CFAP47: variants seen among roughly 807,000 people sequenced by gnomAD.
CFAP47 encodes the protein cilia- and flagella-associated protein 47.
A neutral mutation model predicts 148.1 loss-of-function variants in CFAP47; 29 were observed. The observed-to-expected ratio is 0.20, with a 90% confidence interval of 0.15 to 0.27. CFAP47 has a LOEUF of 0.27. Among genes scored for constraint, CFAP47 ranks in the 10% least tolerant of loss-of-function variants. CFAP47 has a pLI of 1.00. For missense variants in CFAP47, 1,872 were observed against 1,697.5 expected (o/e 1.10, Z -1.81); for synonymous variants, 664 against 577.3 (o/e 1.15, Z -2.15).
chrX:36,005,327 A>G lies in CFAP47; in HGVS notation c.3417+3620A>G, dbSNP rs187098050. Among the ~76,000 whole-genome samples, 276 of 111,572 alleles carry G rather than the reference A, an allele frequency of 2.5e-3. 1 individual carries two copies. The highest frequency in any genetic ancestry group is 8.0e-3 in the African/African-American group (248 of 30,814). On this transcript the variant is annotated intron_variant, in intron 21 of 63. Coordinates refer to ENST00000378653, the MANE Select transcript of CFAP47 (RefSeq NM_001304548.2). The stretch of plus-strand genomic sequence containing the variant: ...TTAAATATAGGTTTTATGGCTACAT[A>G]CTTTCCTCTAAATACTGTTTTACAT...
At chrX:36,237,041 T>C (rs1291828641) in intron 48 of CFAP47, among the ~76,000 whole-genome samples, 182 bp downstream of exon 48, 1 of 112,234 alleles carries the variant, frequency 8.9e-6, no homozygotes, top group East Asian at 2.8e-4. Context: ...TCATTTCAAT[T>C]ATAAAGTTGA....
At chrX:36,007,062 G>T (rs935690405) in intron 21 of CFAP47, among the ~76,000 whole-genome samples, 2 of 111,557 alleles carry the variant, frequency 1.8e-5, no homozygotes, top group Non-Finnish European at 3.8e-5. Context: ...CCCAGGTTCT[G>T]CCCTGAAGCA....
intron 22 of CFAP47, among the ~76,000 whole-genome samples, chrX:36,025,343 G>C (rs759978321): frequency 9.0e-6 from 1 of 111,136 alleles, no homozygotes; most frequent in African/African-American, 3.3e-5. Context: ...TAAAGAAATT[G>C]GCTATCTTGA....
At chrX:36,039,868 G>A (rs1937382413) in intron 25 of CFAP47, among the ~76,000 whole-genome samples, 2 of 111,785 alleles carry the variant, frequency 1.8e-5, no homozygotes, top group South Asian at 7.5e-4. Flanking sequence ...GATCTCAACT[G>A]ATTATGTCAG....
chrX:36,217,338 T>G (rs782591648), intron 45 of CFAP47, among the ~76,000 whole-genome samples: 1 of 111,559 alleles, frequency 9.0e-6, no homozygotes, highest in South Asian at 3.8e-4. Context: ...CCATCATTGT[T>G]CTGGATAGCC....
intron 47 of CFAP47, among the ~76,000 whole-genome samples, 155 bp from the exon 48 acceptor site, chrX:36,236,531 G>T (rs782181712): frequency 5.4e-5 from 6 of 112,129 alleles, no homozygotes; most frequent in Non-Finnish European, 1.1e-4. Context: ...TATGTGTTTT[G>T]TAGAAGCAGT....
chrX:36,333,892 T>C lies in CFAP47; in HGVS notation c.8444-14237T>C, dbSNP rs1198567054. Reference sequence around the variant, plus strand: ...GGTACAATAAATCTGTTGCATATAGTCTCATCTTCCTTGCTTCCTCAGTAT... The same window carrying C: ...GGTACAATAAATCTGTTGCATATAGCCTCATCTTCCTTGCTTCCTCAGTAT... On this transcript the variant is annotated intron_variant, in intron 57 of 63. Coordinates refer to ENST00000378653, the MANE Select transcript of CFAP47 (RefSeq NM_001304548.2). Among the ~76,000 whole-genome samples the C allele has an allele frequency of 4.5e-5, 5 of 111,648 alleles. No individual in the cohort carries two copies. The Admixed American group carries it at 4.8e-4, about 11-fold the overall frequency.
In CFAP47 at chrX:36,246,154, A is replaced by G. The variant is rs1940612377; in HGVS notation, c.7333-5179A>G. 3.6e-5 allele frequency among the ~76,000 whole-genome samples: 4 copies of G among 111,951 alleles called. 1 individual carries two copies. Among genetic ancestry groups the G allele is most frequent in the Admixed American group, 1.9e-4 (2 of 10,522 alleles). ...TCCTACAGAATGGTAGAAAATATTC[A>G]CAATCTGTTCATCCAACAAAGGTCT... On this transcript the variant is annotated intron_variant, in intron 48 of 63. Coordinates refer to ENST00000378653, the MANE Select transcript of CFAP47 (RefSeq NM_001304548.2).
intron 1 of CFAP47, among the ~76,000 whole-genome samples, chrX:35,920,810 G>C (rs948121504): frequency 9.0e-6 from 1 of 111,627 alleles, no homozygotes; most frequent in African/African-American, 3.3e-5. Context: ...AAAACTTCAA[G>C]AGATATTCCT....
intron 48 of CFAP47, among the ~76,000 whole-genome samples, chrX:36,238,512 G>C (rs782745268): frequency 5.4e-5 from 6 of 111,839 alleles, no homozygotes; most frequent in Non-Finnish European, 1.1e-4. Flanking sequence ...TCCTTAGGTT[G>C]CCTTACATTT....
Position 36,319,226 on chromosome X carries a change from A to T in CFAP47, c.8362A>T (p.Asn2788Tyr). 9.0e-6 allele frequency: 10 copies of T among 1,108,385 alleles called. No individual in the cohort carries two copies. Among genetic ancestry groups the T allele is most frequent in the Non-Finnish European group, 1.2e-5 (10 of 831,512 alleles). 91.3% of individuals were successfully genotyped at this position (1,108,385 alleles called of 1,213,427 possible). ...IILTSVEHPR[N>Y]LVMDHCWDSF... ...TTAATTAGGTGTGGAACATCCCAGG[A>T]ATCTTGTCATGGATCATTGCTGGGA... Residue 2788 changes from asparagine (N) to tyrosine (Y), a missense_variant, in exon 57 of 64, where the codon AAT (asparagine) becomes TAT (tyrosine). Transcript: ENST00000378653.
intron 46 of CFAP47, among the ~76,000 whole-genome samples, chrX:36,234,249 C>T (rs1260575519): frequency 9.0e-6 from 1 of 110,772 alleles, no homozygotes; most frequent in Non-Finnish European, 1.9e-5. Context: ...CTTTCAGGTA[C>T]ACCAATCAGA....
At chrX:36,308,009 C>T (rs1278325632) in intron 55 of CFAP47, among the ~76,000 whole-genome samples, 1 of 111,159 alleles carries the variant, frequency 9.0e-6, no homozygotes, top group Non-Finnish European at 1.9e-5. Context: ...TTCTTTTAAG[C>T]GATTGCTGCA....
At position 36,299,022 on chromosome X, in the gene CFAP47, G is replaced by A; in HGVS notation, c.7732G>A (p.Gly2578Ser). Residue 2578 changes from glycine (G) to serine (S), a missense_variant, in exon 52 of 64, where the codon GGT (glycine) becomes AGT (serine). Physicochemically the swap from Gly to Ser is moderately conservative, Grantham distance 56. Coordinates refer to ENST00000378653, the MANE Select transcript of CFAP47 (RefSeq NM_001304548.2). ...ACCTCTCTCTAATCCAAAAGATAGA[G>A]GTCTTCACTTAGAGGTGCAGTTAAC... Reference protein sequence around the residue: ...EIPLSNPKDRGLHLEVQLTSA... With the variant: ...EIPLSNPKDRSLHLEVQLTSA... 1 of 1,154,880 alleles carries A rather than the reference G, an allele frequency of 8.7e-7. No individual in the cohort carries two copies. Among genetic ancestry groups the A allele is most frequent in the East Asian group, 3.3e-5 (1 of 30,633 alleles).
Position 36,174,285 on chromosome X carries a change from A to C in CFAP47, c.6027-5060A>C, listed in dbSNP as rs1407141007. On this transcript the variant is annotated intron_variant, in intron 39 of 63. Coordinates refer to ENST00000378653, the MANE Select transcript of CFAP47 (RefSeq NM_001304548.2). ...CCAGTCTGTGTCTTTTAATTGGAGCATACAGTCCATTTACATTTAAGGTTA... is the reference window on the plus strand; with the variant it reads ...CCAGTCTGTGTCTTTTAATTGGAGCCTACAGTCCATTTACATTTAAGGTTA... Among the ~76,000 whole-genome samples, 4 of 110,944 alleles carry C rather than the reference A, an allele frequency of 3.6e-5. No homozygotes were observed. The East Asian group carries it at 8.5e-4, about 24-fold the overall frequency.
intron 7 of CFAP47, among the ~76,000 whole-genome samples, chrX:35,954,832 G>A (rs758667454): frequency 9.0e-6 from 1 of 111,447 alleles, no homozygotes; most frequent in South Asian, 3.7e-4. Flanking sequence ...ATATCTGTTG[G>A]TCTGTCTCCC....
chrX:35,981,998 G>A (rs1368662331), intron 15 of CFAP47, among the ~76,000 whole-genome samples: 13 of 111,733 alleles, frequency 1.2e-4, no homozygotes, highest in Admixed American at 4.8e-4. Flanking sequence ...TGTCATTATG[G>A]TAGAATGATG....
At chrX:36,147,155 C>T (rs1035458041) in intron 36 of CFAP47, among the ~76,000 whole-genome samples, 3 of 111,683 alleles carry the variant, frequency 2.7e-5, no homozygotes, top group African/African-American at 6.5e-5. Flanking sequence ...AGTGATTTTC[C>T]GAGACATTCA....
chrX:36,058,822 G>A (rs938000180), intron 26 of CFAP47, among the ~76,000 whole-genome samples: 2 of 111,781 alleles, frequency 1.8e-5, no homozygotes, highest in African/African-American at 3.2e-5. Context: ...ATGTCAGATC[G>A]TCTGCTAACT....
Sources: gnomAD v4.1 joint callset for allele counts (sites outside exome capture counted in the v4.1 genomes callset) on GRCh38, gnomAD v4.1.1 for gene constraint, MANE v1.5 for transcripts, NCBI Gene and HGNC (gene_info 2026-07-23, HGNC 2026-07-21) for gene names.